The following COLGALT2 variants were observed in gnomAD, a reference collection of about 807,000 sequenced individuals.
The protein encoded by COLGALT2 is procollagen galactosyltransferase 2.
Under a neutral mutation model 73.4 loss-of-function variants are expected in COLGALT2, and 49 were observed. That is an observed-to-expected ratio of 0.67 (90% CI 0.53 to 0.85). The LOEUF is 0.85. Among genes scored for constraint, COLGALT2 ranks in the 40% least tolerant of loss-of-function variants. The probability of loss-of-function intolerance (pLI) is 0.00; values close to 1 mark genes in which losing one functional copy is unlikely to be tolerated. For missense variants in COLGALT2, 722 were observed against 790.2 expected, an observed-to-expected ratio of 0.91 and a Z score of 1.03; for synonymous variants, 295 against 307.6, an observed-to-expected ratio of 0.96 and a Z score of 0.43.
chr1:183,987,286 C>T (rs1399012462), intron 1 of COLGALT2, among the ~76,000 whole-genome samples: 3 of 152,200 alleles, frequency 2.0e-5, no homozygotes, highest in African/African-American at 7.2e-5. Flanking sequence ...CTCATCATGG[C>T]CCCTTTTCTT....
chr1:183,973,800 G>A, intron 3 of COLGALT2, 50 bp from the exon 4 acceptor site: 2 of 1,581,938 alleles, frequency 1.3e-6, no homozygotes, highest in Non-Finnish European at 1.7e-6. Flanking sequence ...TTTCAGTAAT[G>A]AGTTTGAGAA....
intron 1 of COLGALT2, among the ~76,000 whole-genome samples, chr1:183,985,657 A>C (rs1671467433): frequency 6.6e-6 from 1 of 152,224 alleles, no homozygotes. Flanking sequence ...AGAAAGTCTA[A>C]GACCTCTGTC....
chr1:183,982,976 T>C (rs16861859), intron 1 of COLGALT2, among the ~76,000 whole-genome samples: 11,880 of 152,294 alleles, frequency 0.078, 821 homozygotes, highest in East Asian at 0.41. Context: ...GTGTACAGAT[T>C]AAACAACTCC....
intron 6 of COLGALT2, among the ~76,000 whole-genome samples, chr1:183,962,152 TTC>T (rs1670722875): frequency 8.0e-6 from 1 of 124,976 alleles, no homozygotes; most frequent in Non-Finnish European, 1.7e-5. Flanking sequence ...CTTTTTCTCT[TTC>T]TTTTTTTTTT....
At chr1:183,955,359 G>A (rs1670524299) in intron 6 of COLGALT2, among the ~76,000 whole-genome samples, 1 of 152,140 alleles carries the variant, frequency 6.6e-6, no homozygotes, top group Non-Finnish European at 1.5e-5. Context: ...CTCAGAAATA[G>A]GCTAGAATTT....
At chr1:183,966,810 T>A (rs1334681875) in intron 5 of COLGALT2, among the ~76,000 whole-genome samples, 1 of 152,164 alleles carries the variant, frequency 6.6e-6, no homozygotes, top group Non-Finnish European at 1.5e-5. Context: ...TGACCATATG[T>A]GCTCTCTTCT....
In COLGALT2 at chr1:183,937,547, A is replaced by G; in HGVS notation, c.*1214T>C. The G allele has an allele frequency of 2.0e-6, 2 of 985,386 alleles. No homozygotes were observed. The highest frequency in any genetic ancestry group is 2.4e-6 in the Non-Finnish European group (2 of 829,926). The allele number at this position is 985,386 out of a possible 1,614,324, so 61.0% of individuals were successfully genotyped here. On this transcript the variant is annotated 3_prime_UTR_variant, in exon 12 of 12. Coordinates refer to ENST00000361927, the MANE Select transcript of COLGALT2 (RefSeq NM_015101.4). ...GGTGACCAGCCCTTTGTTTCTGACC[A>G]GGTTTCTCACCTGAGATAGAGAATC...
At chr1:183,991,292 A>G (rs1671622057) in intron 1 of COLGALT2, among the ~76,000 whole-genome samples, 1 of 152,234 alleles carries the variant, frequency 6.6e-6, no homozygotes, top group Non-Finnish European at 1.5e-5. Flanking sequence ...TTACTTAATG[A>G]AAAGCAGCAG....
intron 1 of COLGALT2, among the ~76,000 whole-genome samples, chr1:184,028,343 T>TCCACAGACTCTCCTCACAATCAA (rs1558343562): frequency 3.3e-5 from 5 of 152,232 alleles, no homozygotes; most frequent in Non-Finnish European, 5.9e-5. Context: ...CCAATCAATG[T>TCCACAGACTCTCCTCACAATCAA]ACCTCCACAG....
intron 1 of COLGALT2, among the ~76,000 whole-genome samples, chr1:183,992,468 T>C (rs1449444396): frequency 1.3e-5 from 2 of 152,122 alleles, no homozygotes; most frequent in African/African-American, 2.4e-5. Flanking sequence ...CAGCTTAGAG[T>C]CCCCATGGGT....
At chr1:183,981,426 G>A (rs1231240298) in intron 1 of COLGALT2, among the ~76,000 whole-genome samples, 1 of 152,006 alleles carries the variant, frequency 6.6e-6, no homozygotes, top group African/African-American at 2.4e-5. Context: ...GCCAAGGTGA[G>A]CAGATCATTT....
At chr1:183,984,627 G>A (rs1160373200) in intron 1 of COLGALT2, among the ~76,000 whole-genome samples, 1 of 152,112 alleles carries the variant, frequency 6.6e-6, no homozygotes. Context: ...CATGAGTCCT[G>A]GCCTGCTTTC....
chr1:183,955,732 G>C (rs116150643), intron 6 of COLGALT2, among the ~76,000 whole-genome samples: 1 of 152,254 alleles, frequency 6.6e-6, no homozygotes, highest in Non-Finnish European at 1.5e-5. Flanking sequence ...GTCCTCATTT[G>C]ATTTTCCTTA....
rs149910594 is a variant in COLGALT2 at position 183,959,014 on chromosome 1, T to C, written c.953-4176A>G. ...CTTCTCTTCAGTCCACTTGAATGGATTTGTGTTCTCATCATTGCACTGAAG... is the reference window on the plus strand; with the variant it reads ...CTTCTCTTCAGTCCACTTGAATGGACTTGTGTTCTCATCATTGCACTGAAG... On this transcript the variant is annotated intron_variant, in intron 6 of 11. Coordinates refer to ENST00000361927, the MANE Select transcript of COLGALT2 (RefSeq NM_015101.4). Among the ~76,000 whole-genome samples the C allele has an allele frequency of 2.4e-3, 372 of 152,208 alleles. 2 individuals carry two copies. The highest frequency in any genetic ancestry group is 8.4e-3 in the African/African-American group (350 of 41,530).
chr1:183,939,165 T>A (rs925587836), intron 11 of COLGALT2, 128 bp from the exon 12 acceptor site: 15 of 676,540 alleles, frequency 2.2e-5, no homozygotes, highest in Non-Finnish European at 3.5e-5. Flanking sequence ...GTGTCATTTG[T>A]GAAAAACTTT....
At chr1:183,964,200 G>A (rs1362375582) in intron 5 of COLGALT2, 180 bp from the exon 6 acceptor site, 1 of 521,060 alleles carries the variant, frequency 1.9e-6, no homozygotes, top group Non-Finnish European at 3.3e-6. Context: ...GTAAAACACA[G>A]CATTGGGGAC....
chr1:183,939,622 T>G (rs899582629), intron 11 of COLGALT2, among the ~76,000 whole-genome samples: 3 of 152,212 alleles, frequency 2.0e-5, no homozygotes, highest in Non-Finnish European at 4.4e-5. Context: ...TCCATGTTTC[T>G]GCTAGGACAC....
intron 10 of COLGALT2, 110 bp downstream of exon 10, chr1:183,944,086 G>C (rs999774777): frequency 1.6e-6 from 2 of 1,250,612 alleles, no homozygotes; most frequent in African/African-American, 3.1e-5. Flanking sequence ...AACTAGATAA[G>C]TGGAAGCTTA....
rs574011047 is a variant in COLGALT2 at position 183,964,224 on chromosome 1, C to T, written c.833-204G>A. The T allele has an allele frequency of 8.0e-5, 38 of 472,388 alleles. No individual in the cohort carries two copies. In the Middle Eastern group the frequency reaches 1.0e-3, roughly 13 times the overall value. 29.3% of individuals were successfully genotyped at this position (472,388 alleles called of 1,614,324 possible). ...AGCATTGGGGACTAATAAAAACACT[C>T]GGCTATTCTTCAGCCCAGAGGAAAT... On this transcript the variant is annotated intron_variant, in intron 5 of 11. Coordinates refer to ENST00000361927, the MANE Select transcript of COLGALT2 (RefSeq NM_015101.4).
Sources: gnomAD v4.1 joint callset for allele counts (sites outside exome capture counted in the v4.1 genomes callset) on GRCh38, gnomAD v4.1.1 for gene constraint, MANE v1.5 for transcripts, NCBI Gene and HGNC (gene_info 2026-07-23, HGNC 2026-07-21) for gene names.